The following FLACC1 variants were observed in gnomAD, a reference collection of about 807,000 sequenced individuals.
FLACC1 encodes flagellum associated containing coiled-coil domains 1.
In FLACC1, 66 loss-of-function variants were observed where a neutral mutation model predicts 62.8. That is an observed-to-expected ratio of 1.05 (90% CI 0.86 to 1.29). FLACC1 has a LOEUF of 1.29. Among genes scored for constraint, FLACC1 ranks in the 50% most tolerant of loss-of-function variants. The pLI, the probability that FLACC1 is intolerant of heterozygous loss-of-function variation, is 0.00. For missense variants in FLACC1, 452 were observed against 489.1 expected (o/e 0.92, Z 0.71); for synonymous variants, 156 against 161.0 (o/e 0.97, Z 0.24).
chr2:201,347,438 C>T (rs1178320018), intron 4 of FLACC1, among the ~76,000 whole-genome samples: 1 of 152,234 alleles, frequency 6.6e-6, no homozygotes, highest in East Asian at 1.9e-4. Context: ...CACAGTTCAT[C>T]CTCCTCTCTA....
intron 12 of FLACC1, among the ~76,000 whole-genome samples, chr2:201,290,914 CGGA>C (rs1559381947): frequency 6.6e-6 from 1 of 152,192 alleles, no homozygotes. Flanking sequence ...CCTACGCCCA[CGGA>C]GCCTTGCTCA....
chr2:201,339,463 G>C (rs1418326499), intron 7 of FLACC1, among the ~76,000 whole-genome samples: 1 of 151,642 alleles, frequency 6.6e-6, no homozygotes, highest in East Asian at 1.9e-4. Flanking sequence ...TTTTGGGCTT[G>C]GTTTTCCAAT....
intron 9 of FLACC1, among the ~76,000 whole-genome samples, chr2:201,314,164 T>A (rs746005455): frequency 4.2e-4 from 63 of 151,628 alleles, no homozygotes; most frequent in Non-Finnish European, 7.4e-4. Flanking sequence ...TTCTTTAACA[T>A]CCCCCACAAA....
At chr2:201,323,784 C>CAAAAAAAAAAAAAAAAAAAAAAAAAA (rs71022362) in intron 9 of FLACC1, among the ~76,000 whole-genome samples, 2 of 52,752 alleles carry the variant, frequency 3.8e-5, no homozygotes, top group African/African-American at 1.0e-4. Flanking sequence ...CAGACTCTAT[C>CAAAAAAAAAAAAAAAAAAAAAAAAAA]AAAAAAAAAA....
chr2:201,340,451 T>G (rs1345003294), intron 7 of FLACC1, among the ~76,000 whole-genome samples: 4 of 152,232 alleles, frequency 2.6e-5, no homozygotes, highest in African/African-American at 9.6e-5. Flanking sequence ...ATCTTGTTCT[T>G]GTAATAAGCT....
chr2:201,325,836 G>A (rs891043970), intron 9 of FLACC1, among the ~76,000 whole-genome samples: 3 of 151,976 alleles, frequency 2.0e-5, no homozygotes, highest in Admixed American at 6.6e-5. Context: ...AGCCAGTATC[G>A]CCCTGATATC....
chr2:201,363,216 C>T, the FLACC1 span, among the ~76,000 whole-genome samples: 1 of 151,824 alleles, frequency 6.6e-6, no homozygotes, highest in Non-Finnish European at 1.5e-5. Context: ...GGCAGATCTC[C>T]AGGTATCTGG....
chr2:201,297,435 G>C (rs980216309), intron 12 of FLACC1, among the ~76,000 whole-genome samples: 20 of 152,160 alleles, frequency 1.3e-4, no homozygotes, highest in Admixed American at 1.3e-3. Context: ...GCCATTGAAG[G>C]GTTTTAAGCA....
intron 4 of FLACC1, among the ~76,000 whole-genome samples, chr2:201,347,260 C>G (rs1269744638): frequency 6.6e-6 from 1 of 152,226 alleles, no homozygotes; most frequent in Non-Finnish European, 1.5e-5. Flanking sequence ...AAGGCTGGGG[C>G]TCTGAGAGCT....
chr2:201,330,532 A>G lies in FLACC1; in HGVS notation c.623-10T>C. ...TCTTTTCCCATCTCCTCTGGATAAA[A>G]GGAAAACAACAGGATCATCATTAGT... On this transcript the variant is annotated splice_polypyrimidine_tract_variant and intron_variant, in intron 8 of 14. Transcript: ENST00000392257. 6.2e-7 allele frequency: 1 copy of G among 1,613,236 alleles called. No individual in the cohort carries two copies. Among genetic ancestry groups the G allele is most frequent in the Middle Eastern group, 1.7e-4 (1 of 6,054 alleles).
chr2:201,330,821 CTCT>C lies in FLACC1; in HGVS notation c.534_536del (p.Glu179del), dbSNP rs757580406. ...ACTCACTGAGTTCTGCTTCATGGGC[CTCT>C]TTGAGCTCCCTGTGGGACCCCAGGA... is the stretch of plus-strand genomic sequence containing the variant. On this transcript the variant is annotated inframe_deletion, in exon 8 of 15. Transcript: ENST00000392257. 1 of 1,613,102 alleles carries C rather than the reference CTCT, an allele frequency of 6.2e-7. No homozygotes were observed. Among genetic ancestry groups the C allele is most frequent in the Admixed American group, 1.7e-5 (1 of 59,966 alleles).
intron 6 of FLACC1, 63 bp downstream of exon 6, chr2:201,344,107 G>T (rs566102054): frequency 4.8e-6 from 7 of 1,451,228 alleles, no homozygotes; most frequent in Non-Finnish European, 6.7e-6. Context: ...TGGCACATAG[G>T]TGATTCAAAA....
intron 11 of FLACC1, among the ~76,000 whole-genome samples, chr2:201,303,073 C>G (rs1950020171): frequency 6.6e-6 from 1 of 151,666 alleles, no homozygotes; most frequent in Non-Finnish European, 1.5e-5. Context: ...CAAGAAATAA[C>G]TAAGATCAGA....
At chr2:201,303,364 C>T (rs1283192177) in intron 11 of FLACC1, among the ~76,000 whole-genome samples, 8 of 152,114 alleles carry the variant, frequency 5.3e-5, no homozygotes, top group Non-Finnish European at 1.0e-4. Context: ...CATACACCCT[C>T]CCAAGACTTA....
intron 11 of FLACC1, among the ~76,000 whole-genome samples, chr2:201,303,597 G>A (rs1264372368): frequency 3.3e-5 from 5 of 152,180 alleles, no homozygotes; most frequent in Non-Finnish European, 7.3e-5. Flanking sequence ...GCATCATCCT[G>A]ATACCAAAGC....
intron 11 of FLACC1, among the ~76,000 whole-genome samples, chr2:201,305,936 G>C (rs1243846785): frequency 2.0e-5 from 3 of 147,400 alleles, no homozygotes; most frequent in Non-Finnish European, 3.0e-5. Context: ...GCCAGTTGTG[G>C]GGTGGGGGGA....
At chr2:201,304,996 GC>G (rs908064454) in intron 11 of FLACC1, among the ~76,000 whole-genome samples, 2 of 152,258 alleles carry the variant, frequency 1.3e-5, no homozygotes, top group African/African-American at 4.8e-5. Context: ...GGAAACCTAG[GC>G]AATACCATTC....
intron 12 of FLACC1, among the ~76,000 whole-genome samples, chr2:201,293,399 G>A (rs1949782542): frequency 6.6e-6 from 1 of 152,166 alleles, no homozygotes; most frequent in African/African-American, 2.4e-5. Context: ...CATGGAAACT[G>A]AACAACCTGC....
At chr2:201,333,730 A>G (rs1246591847) in intron 7 of FLACC1, among the ~76,000 whole-genome samples, 1 of 152,148 alleles carries the variant, frequency 6.6e-6, no homozygotes. Flanking sequence ...CAAAGGACAC[A>G]AACTCATCAT....
Sources: gnomAD v4.1 joint callset for allele counts (sites outside exome capture counted in the v4.1 genomes callset) on GRCh38, gnomAD v4.1.1 for gene constraint, MANE v1.5 for transcripts, NCBI Gene and HGNC (gene_info 2026-07-23, HGNC 2026-07-21) for gene names.